The following ZBTB20 variants were observed in gnomAD, a reference collection of about 807,000 sequenced individuals.
ZBTB20 encodes zinc finger and BTB domain containing 20, also known as zinc finger and BTB domain-containing protein 20.
ZBTB20 carries 9 observed loss-of-function variants against 56.9 expected under a neutral mutation model. The ratio of observed to expected loss-of-function variants is 0.16; its 90% CI spans 0.10 to 0.28. The LOEUF is 0.28. Among genes scored for constraint, ZBTB20 ranks in the 10% least tolerant of loss-of-function variants. ZBTB20 has a pLI of 1.00. For missense variants in ZBTB20, 655 were observed against 1,003.0 expected (o/e 0.65, Z 4.69); for synonymous variants, 417 against 420.7 (o/e 0.99, Z 0.11).
At chr3:114,940,818 G>A (rs1404810498) in intron 3 of ZBTB20, among the ~76,000 whole-genome samples, 1 of 145,874 alleles carries the variant, frequency 6.9e-6, no homozygotes, top group Non-Finnish European at 1.5e-5. Flanking sequence ...TGTTCCAAAG[G>A]AGCCTATTGC....
At chr3:114,809,770 A>AT (rs1211871861) in intron 4 of ZBTB20, among the ~76,000 whole-genome samples, 2 of 151,566 alleles carry the variant, frequency 1.3e-5, no homozygotes, top group African/African-American at 2.4e-5. Context: ...TACATGTCTC[A>AT]TTTTTTTCTT....
chr3:115,060,102 T>A (rs529300691), intron 2 of ZBTB20, among the ~76,000 whole-genome samples: 1 of 152,190 alleles, frequency 6.6e-6, no homozygotes, highest in Non-Finnish European at 1.5e-5. Context: ...ATTTTAGCCA[T>A]GCTTAACTTT....
At position 114,350,674 on chromosome 3, in the gene ZBTB20, C is replaced by T. The variant is rs140765510; in HGVS notation, c.1404G>A (p.Gln468=). 4,620 of 1,614,200 alleles carry T rather than the reference C, an allele frequency of 2.9e-3. 13 individuals are homozygous for T. The highest frequency in any genetic ancestry group is 3.4e-3 in the Non-Finnish European group (4,018 of 1,180,038). ...QQPSVNTSIG[Q]PLPSTQLYLR... ...AGTAGAGCTGGGTACTTGGCAATGG[C>T]TGCCCGATGGACGTGTTGACCGAAG... Residue 468 remains glutamine (Q), a synonymous_variant, in exon 11 of 12, where the codon CAG becomes CAA. Transcript: ENST00000675478.
chr3:114,439,400 C>T (rs1325045471), intron 7 of ZBTB20, among the ~76,000 whole-genome samples: 1 of 152,090 alleles, frequency 6.6e-6, no homozygotes, highest in African/African-American at 2.4e-5. Context: ...CAGAAACTCC[C>T]TCATTTCACC....
rs144150219 is a variant in ZBTB20, at chr3:114,404,028, C to T, written c.-254-14923G>A. Among the ~76,000 whole-genome samples, 43 of 152,256 alleles carry T rather than the reference C, an allele frequency of 2.8e-4. No individual in the cohort carries two copies. In the Middle Eastern group the frequency reaches 0.017, roughly 60 times the overall value. On this transcript the variant is annotated intron_variant, in intron 7 of 11. Coordinates refer to ENST00000675478, the MANE Select transcript of ZBTB20 (RefSeq NM_001348800.3). ...AGAGATGAAAGAGTAATTCCTCTTT[C>T]CTCTTGTTTTGGTAAATACTTGCTT...
intron 2 of ZBTB20, among the ~76,000 whole-genome samples, chr3:115,063,567 A>T (rs2082090153): frequency 6.6e-6 from 1 of 152,092 alleles, no homozygotes; most frequent in Non-Finnish European, 1.5e-5. Context: ...CAATATATGA[A>T]TTTTGAGGTG....
chr3:115,017,011 T>C (rs897062259), intron 2 of ZBTB20, among the ~76,000 whole-genome samples: 2 of 151,532 alleles, frequency 1.3e-5, no homozygotes, highest in Admixed American at 6.6e-5. Flanking sequence ...CTACTCAACA[T>C]AGTATTGGAA....
chr3:114,325,862 C>T lies in ZBTB20; in HGVS notation c.*13143G>A, dbSNP rs1178558398. Reference sequence around the variant, plus strand: ...CAGTATGCTTTCAAATGAAGTACTACAATTTCCTTTTTTAAAAAAATAGTT... The same window carrying T: ...CAGTATGCTTTCAAATGAAGTACTATAATTTCCTTTTTTAAAAAAATAGTT... On this transcript the variant is annotated 3_prime_UTR_variant, in exon 12 of 12. Coordinates refer to ENST00000675478, the MANE Select transcript of ZBTB20 (RefSeq NM_001348800.3). The T allele has an allele frequency of 1.3e-5, 2 of 152,136 alleles. No homozygotes were observed. The highest frequency in any genetic ancestry group is 2.9e-5 in the Non-Finnish European group (2 of 68,028). The allele number at this position is 152,136 out of a possible 1,614,324, so 9.4% of individuals were successfully genotyped here.
intron 7 of ZBTB20, among the ~76,000 whole-genome samples, chr3:114,493,947 G>T (rs2043010300): frequency 6.6e-6 from 1 of 152,044 alleles, no homozygotes; most frequent in East Asian, 1.9e-4. Flanking sequence ...GTAAAATTTG[G>T]CTGAGGCTTT....
intron 4 of ZBTB20, among the ~76,000 whole-genome samples, chr3:114,815,614 T>C (rs975923413): frequency 3.2e-4 from 49 of 152,248 alleles, no homozygotes; most frequent in African/African-American, 1.2e-3. Context: ...AGTACTATCA[T>C]ATTTAATAGC....
At chr3:114,546,837 A>C (rs1204673464) in intron 6 of ZBTB20, among the ~76,000 whole-genome samples, 2 of 152,190 alleles carry the variant, frequency 1.3e-5, no homozygotes, top group African/African-American at 4.8e-5. Flanking sequence ...AGCAGAGCAA[A>C]TAGGGTTAAA....
At chr3:114,853,405 T>G (rs1398200151) in intron 4 of ZBTB20, among the ~76,000 whole-genome samples, 1 of 152,242 alleles carries the variant, frequency 6.6e-6, no homozygotes, top group Non-Finnish European at 1.5e-5. Context: ...GAAAAGGCTT[T>G]TTTATATGCA....
rs114983765 is a variant in ZBTB20 at position 114,609,194 on chromosome 3, T to C, written c.-295+84334A>G. On this transcript the variant is annotated intron_variant, in intron 6 of 11. Transcript: ENST00000675478. Reference sequence around the variant, plus strand: ...TGGGTGTCTTTCAGTTAGACTTCTATTAAATGGATAACAAGAAAACTAACC... The same window carrying C: ...TGGGTGTCTTTCAGTTAGACTTCTACTAAATGGATAACAAGAAAACTAACC... Among the ~76,000 whole-genome samples, 1,242 of 152,356 alleles carry C rather than the reference T, an allele frequency of 8.2e-3. 21 individuals carry two copies. The highest frequency in any genetic ancestry group is 0.028 in the African/African-American group (1,155 of 41,580).
chr3:114,552,850 G>C (rs2050747417), intron 6 of ZBTB20, among the ~76,000 whole-genome samples: 2 of 152,166 alleles, frequency 1.3e-5, no homozygotes, highest in Admixed American at 6.5e-5. Context: ...TCAAATTTGT[G>C]ATACATGTGA....
chr3:114,812,281 ACAAT>A (rs1234759568), intron 4 of ZBTB20, among the ~76,000 whole-genome samples: 1 of 152,090 alleles, frequency 6.6e-6, no homozygotes, highest in African/African-American at 2.4e-5. Flanking sequence ...TGGTGCGTTT[ACAAT>A]CCCTGAGCTA....
At chr3:115,022,030 T>C (rs900079922) in intron 2 of ZBTB20, among the ~76,000 whole-genome samples, 4 of 150,646 alleles carry the variant, frequency 2.7e-5, no homozygotes, top group African/African-American at 9.7e-5. Context: ...TTATTAACAG[T>C]TTTGAAGAAA....
At chr3:114,474,815 A>C (rs889421210) in intron 7 of ZBTB20, among the ~76,000 whole-genome samples, 17 of 152,258 alleles carry the variant, frequency 1.1e-4, no homozygotes, top group African/African-American at 3.4e-4. Flanking sequence ...ATCTCTGTTC[A>C]TTCCCTCTGC....
At chr3:114,512,168 T>C (rs573903155) in intron 6 of ZBTB20, among the ~76,000 whole-genome samples, 1 of 152,274 alleles carries the variant, frequency 6.6e-6, no homozygotes, top group South Asian at 2.1e-4. Flanking sequence ...TAGACAGGGA[T>C]AGGAATATGA....
chr3:114,447,368 G>A (rs1409264652), intron 7 of ZBTB20, among the ~76,000 whole-genome samples: 2 of 152,146 alleles, frequency 1.3e-5, no homozygotes, highest in African/African-American at 4.8e-5. Context: ...GATTTGCAAT[G>A]AATATCACCA....
Sources: allele counts gnomAD v4.1 joint callset (sites outside exome capture counted in the v4.1 genomes callset), GRCh38; gene constraint gnomAD v4.1.1; transcripts MANE v1.5; gene names NCBI Gene and HGNC (gene_info 2026-07-23, HGNC 2026-07-21).